MDM4: variants seen among roughly 807,000 people sequenced by gnomAD.
MDM4 encodes MDM4 regulator of p53, also known as protein Mdm4.
MDM4 carries 2 observed loss-of-function variants against 60.2 expected under a neutral mutation model. The observed-to-expected ratio is 0.03, with a 90% CI of 0.01 to 0.10. The LOEUF is 0.10. MDM4 is among the 10% of genes least tolerant of loss of function. The pLI, the probability that MDM4 is intolerant of heterozygous loss-of-function variation, is 1.00. For synonymous variants in MDM4, 202 were observed against 198.1 expected (o/e 1.02, Z -0.17); for missense variants, 447 against 577.5 (o/e 0.77, Z 2.32).
At chr1:204,535,523 A>G (rs1181638575) in intron 5 of MDM4, among the ~76,000 whole-genome samples, 2 of 151,306 alleles carry the variant, frequency 1.3e-5, no homozygotes, top group East Asian at 3.9e-4. Flanking sequence ...AATAAATATG[A>G]CTAACTTTGT....
intron 4 of MDM4, among the ~76,000 whole-genome samples, chr1:204,531,387 A>C (rs1311933350): frequency 6.6e-6 from 1 of 152,218 alleles, no homozygotes; most frequent in Non-Finnish European, 1.5e-5. Flanking sequence ...TAAGAATCAC[A>C]GTAGGGCTAA....
chr1:204,530,848 T>C, intron 4 of MDM4, 31 bp downstream of exon 4: 1 of 1,614,118 alleles, frequency 6.2e-7, no homozygotes. Context: ...CGTATCTTTT[T>C]GGGTGCTTAT....
intron 1 of MDM4, among the ~76,000 whole-genome samples, chr1:204,519,968 T>TA (rs2102283665): frequency 6.6e-6 from 1 of 151,654 alleles, no homozygotes; most frequent in Non-Finnish European, 1.5e-5. Context: ...AACGAAAAAC[T>TA]AAGAGATAAG....
intron 6 of MDM4, chr1:204,537,740 T>G: frequency 3.3e-6 from 2 of 600,532 alleles, no homozygotes; most frequent in Non-Finnish European, 6.0e-6. Flanking sequence ...GTTGCATTTT[T>G]CTTTGGGTTT....
intron 1 of MDM4, among the ~76,000 whole-genome samples, chr1:204,520,759 C>A (rs1659493870): frequency 6.6e-6 from 1 of 151,940 alleles, no homozygotes; most frequent in African/African-American, 2.4e-5. Context: ...GCCTGTAGTC[C>A]CAGATAATCA....
intron 1 of MDM4, among the ~76,000 whole-genome samples, chr1:204,525,155 C>T (rs3789052): frequency 0.38 from 58,012 of 152,048 alleles, 13,174 homozygotes; most frequent in Non-Finnish European, 0.49. Context: ...AGTGCTCTAC[C>T]TGATAACCAT....
chr1:204,553,956 T>C lies in MDM4; in HGVS notation c.*4274T>C, dbSNP rs1348538571. On this transcript the variant is annotated 3_prime_UTR_variant, in exon 11 of 11. Coordinates refer to ENST00000367182, the MANE Select transcript of MDM4 (RefSeq NM_002393.5). ...TCCACACTGCCACTAACTTCTGTAA[T>C]GTAAGATTGAGTCACTGCCAAGCAT... The C allele has an allele frequency of 4.5e-6, 1 of 224,628 alleles. No homozygotes were observed. The highest frequency in any genetic ancestry group is 8.9e-6 in the Non-Finnish European group (1 of 112,780). The allele number at this position is 224,628 out of a possible 1,614,324, so 13.9% of individuals were successfully genotyped here.
In MDM4 at chr1:204,557,241, T is replaced by C. The variant is rs1663590801; in HGVS notation, c.*7559T>C. On this transcript the variant is annotated 3_prime_UTR_variant, in exon 11 of 11. Coordinates refer to ENST00000367182, the MANE Select transcript of MDM4 (RefSeq NM_002393.5). ...TGCCTGGCAGAGCCTGTTTGATTAC[T>C]GCAGGCCCTTTTACCCATGCTTCTA... 1.0e-5 allele frequency: 2 copies of C among 192,544 alleles called. No homozygotes were observed. The highest frequency in any genetic ancestry group is 1.8e-3 in the Middle Eastern group (1 of 560). The allele number at this position is 192,544 out of a possible 1,614,324, so 11.9% of individuals were successfully genotyped here.
At position 204,556,081 on chromosome 1, in the gene MDM4, A is replaced by G. The variant is rs1423886565; in HGVS notation, c.*6399A>G. ...GGAGACTGATTTGAGTAATAATAAA[A>G]CTCTGGTCTCCCTTAAGAAAAAAAA... On this transcript the variant is annotated 3_prime_UTR_variant, in exon 11 of 11. Transcript: ENST00000367182. 4.5e-6 allele frequency: 1 copy of G among 220,676 alleles called. No individual in the cohort carries two copies. The highest frequency in any genetic ancestry group is 9.1e-6 in the Non-Finnish European group (1 of 110,418). The allele number at this position is 220,676 out of a possible 1,614,324, so 13.7% of individuals were successfully genotyped here.
chr1:204,548,435 C>A (rs751259464), intron 10 of MDM4, among the ~76,000 whole-genome samples: 1 of 152,130 alleles, frequency 6.6e-6, no homozygotes, highest in East Asian at 1.9e-4. Flanking sequence ...GCCAGTTAAC[C>A]GCATTAAATA....
At chr1:204,525,308 C>T (rs3789051) in intron 1 of MDM4, 176 bp from the exon 2 acceptor site, 452,063 of 980,874 alleles carry the variant, frequency 0.46, 109,038 homozygotes, top group Non-Finnish European at 0.49. Flanking sequence ...TAAATCAGAA[C>T]TAGAAAGTAG....
intron 5 of MDM4, chr1:204,536,983 A>G: frequency 2.6e-6 from 1 of 378,842 alleles, no homozygotes; most frequent in Non-Finnish European, 5.1e-6. Flanking sequence ...AGATTTCAAG[A>G]TCCCATAACC....
At position 204,551,372 on chromosome 1, in the gene MDM4, A is replaced by AT. The variant is rs1206489095; in HGVS notation, c.*1698dup. 2.7e-5 allele frequency: 6 copies of AT among 218,706 alleles called. No individual in the cohort carries two copies. The highest frequency in any genetic ancestry group is 4.8e-5 in the African/African-American group (2 of 41,678). 13.5% of individuals were successfully genotyped at this position (218,706 alleles called of 1,614,324 possible). On this transcript the variant is annotated 3_prime_UTR_variant, in exon 11 of 11. Transcript: ENST00000367182. ...TCTTTGCGTCTTAGGAGTCATTTAG[A>AT]TTTTTTTTGATCCTTTTGTTTAGTG... is the stretch of plus-strand genomic sequence containing the variant.
rs1438536723 is a variant in MDM4, at chr1:204,549,517, A to T, written c.1308A>T (p.Pro436=). ...NMEDCQNLLK[P]CSLCEKRPRD... Reference sequence around the variant, plus strand: ...AGGATTGCCAGAATCTCTTGAAGCCATGTAGCTTATGTGAGAAAAGACCAC... The same window carrying T: ...AGGATTGCCAGAATCTCTTGAAGCCTTGTAGCTTATGTGAGAAAAGACCAC... Residue 436 remains proline (P), a synonymous_variant, in exon 11 of 11, where the codon CCA becomes CCT. Transcript: ENST00000367182. The T allele has an allele frequency of 1.2e-6, 2 of 1,612,424 alleles. No individual in the cohort carries two copies. Among genetic ancestry groups the T allele is most frequent in the Admixed American group, 1.7e-5 (1 of 59,518 alleles).
Position 204,555,569 on chromosome 1 carries a change from G to A in MDM4, c.*5887G>A, listed in dbSNP as rs1159567343. The A allele has an allele frequency of 2.4e-5, 4 of 169,994 alleles. No individual in the cohort carries two copies. The highest frequency in any genetic ancestry group is 3.8e-5 in the Non-Finnish European group (3 of 78,316). 10.5% of individuals were successfully genotyped at this position (169,994 alleles called of 1,614,324 possible). ...GCTGTAATTTGGCAAATGCTTTATC[G>A]AAGATTGATATTAGGCTAGGGGCGG... On this transcript the variant is annotated 3_prime_UTR_variant, in exon 11 of 11. Coordinates refer to ENST00000367182, the MANE Select transcript of MDM4 (RefSeq NM_002393.5).
chr1:204,520,559 C>G (rs954596829), intron 1 of MDM4, among the ~76,000 whole-genome samples: 1 of 152,056 alleles, frequency 6.6e-6, no homozygotes, highest in Non-Finnish European at 1.5e-5. Context: ...AGGTTATGAT[C>G]AGAGTCTTAG....
chr1:204,518,004 T>TA (rs1346376503), intron 1 of MDM4, among the ~76,000 whole-genome samples: 1 of 151,692 alleles, frequency 6.6e-6, no homozygotes, highest in Admixed American at 6.6e-5. Flanking sequence ...CTGCAAAAAA[T>TA]AAAAAAATCA....
rs371705370 is a variant in MDM4, at chr1:204,534,488, GGTTTT to G, written c.343+2257_343+2261del. ...CATGCCATATAAAGAATATTTTGTT[GGTTTT>G]GTTTTGTTTTGTTTGAGACAGGATC... is the stretch of plus-strand genomic sequence containing the variant. On this transcript the variant is annotated intron_variant, in intron 5 of 10. Transcript: ENST00000367182. Among the ~76,000 whole-genome samples the G allele has an allele frequency of 5.1e-4, 78 of 151,890 alleles. 1 individual carries two copies. Among genetic ancestry groups the G allele is most frequent in the African/African-American group, 1.5e-3 (64 of 41,410 alleles).
At position 204,555,946 on chromosome 1, in the gene MDM4, A is replaced by C. The variant is rs1308500755; in HGVS notation, c.*6264A>C. On this transcript the variant is annotated 3_prime_UTR_variant, in exon 11 of 11. Coordinates refer to ENST00000367182, the MANE Select transcript of MDM4 (RefSeq NM_002393.5). ...GCACTGTTTTTTTTTTTAAACAGTT[A>C]AGTACTGATGTCAACAGACAAATAT... is the stretch of plus-strand genomic sequence containing the variant. The C allele has an allele frequency of 1.5e-5, 3 of 202,892 alleles. No individual in the cohort carries two copies. The highest frequency in any genetic ancestry group is 1.9e-4 in the South Asian group (1 of 5,258). 12.6% of individuals were successfully genotyped at this position (202,892 alleles called of 1,614,324 possible).
Sources: allele counts gnomAD v4.1 joint callset (sites outside exome capture counted in the v4.1 genomes callset), GRCh38; gene constraint gnomAD v4.1.1; transcripts MANE v1.5; gene names NCBI Gene and HGNC (gene_info 2026-07-23, HGNC 2026-07-21).